Variants in ALK observed in about 807,000 individuals in gnomAD.
ALK encodes ALK receptor tyrosine kinase, also known as ALK tyrosine kinase receptor.
In ALK, 74 loss-of-function variants were observed where a neutral mutation model predicts 163.1. That is an observed-to-expected ratio of 0.45 (90% CI 0.38 to 0.55). ALK has a LOEUF of 0.55. ALK is among the 20% of genes least tolerant of loss of function. The pLI, the probability that ALK is intolerant of heterozygous loss-of-function variation, is 0.00. For missense variants in ALK, 2,063 were observed against 2,105.3 expected (o/e 0.98, Z 0.39); for synonymous variants, 960 against 843.2 (o/e 1.14, Z -2.40).
chr2:29,918,479 G>C (rs763819780), intron 1 of ALK, among the ~76,000 whole-genome samples: 1 of 152,194 alleles, frequency 6.6e-6, no homozygotes, highest in Non-Finnish European at 1.5e-5. Flanking sequence ...TTCCATCTCA[G>C]TTCACTGAAG....
intron 3 of ALK, among the ~76,000 whole-genome samples, chr2:29,620,485 CT>C (rs10707440): frequency 0.85 from 117,131 of 137,556 alleles, 49,584 homozygotes; most frequent in African/African-American, 0.94. Flanking sequence ...ATACTTTTCT[CT>C]TTTTTTTTGC....
chr2:29,920,196 A>T lies in ALK; in HGVS notation c.464T>A (p.Val155Asp), dbSNP rs1206463887. Residue 155 changes from valine to aspartate, a missense_variant, in exon 1 of 29, where the codon GTC becomes GAC. By Grantham distance (152) the Val-to-Asp change is radical. Around this residue, in one of 5 missense-constraint regions of ALK, gnomAD observed 987 missense variants for 939.5 expected, o/e 1.05. Coordinates refer to ENST00000389048, the MANE Select transcript of ALK (RefSeq NM_004304.5). ...LGEEAILEGC[V>D]GPPGEAAVGL... ...CACAGCCGCCTCCCCGGGGGGCCCG[A>T]CGCAACCCTCCAAGATCGCCTCCTC... 6.8e-6 allele frequency: 11 copies of T among 1,613,290 alleles called. No homozygotes were observed. Among genetic ancestry groups the T allele is most frequent in the Non-Finnish European group, 9.3e-6 (11 of 1,179,990 alleles).
At chr2:29,876,023 A>T (rs1666696051) in intron 1 of ALK, among the ~76,000 whole-genome samples, 1 of 152,070 alleles carries the variant, frequency 6.6e-6, no homozygotes, top group Non-Finnish European at 1.5e-5. Flanking sequence ...TCTCTGCTTC[A>T]TCCTCACTCT....
chr2:29,888,265 A>ATTTTTTTT (rs1343022563), intron 1 of ALK, among the ~76,000 whole-genome samples: 7 of 49,878 alleles, frequency 1.4e-4, no homozygotes, highest in African/African-American at 5.3e-4. Context: ...TTTTTTTAAA[A>ATTTTTTTT]AAAGGGAAAC....
intron 4 of ALK, among the ~76,000 whole-genome samples, chr2:29,468,962 C>A (rs1671281668): frequency 6.7e-6 from 1 of 149,964 alleles, no homozygotes; most frequent in Non-Finnish European, 1.5e-5. Flanking sequence ...TGAACTTTTG[C>A]AATCAGACTT....
intron 14 of ALK, among the ~76,000 whole-genome samples, 173 bp from the exon 15 acceptor site, chr2:29,232,621 C>T (rs552810614): frequency 3.7e-4 from 56 of 152,316 alleles, no homozygotes; most frequent in African/African-American, 8.2e-4. Flanking sequence ...AATAGCCCAT[C>T]GGCTCCGCCA....
At chr2:29,222,699 G>T in intron 20 of ALK, 92 bp from the exon 21 acceptor site, 1 of 1,080,758 alleles carries the variant, frequency 9.3e-7, no homozygotes, top group Non-Finnish European at 1.4e-6. Flanking sequence ...CACATTTAGT[G>T]GACAAACACG....
intron 5 of ALK, among the ~76,000 whole-genome samples, chr2:29,369,578 C>G (rs1668593410): frequency 6.6e-6 from 1 of 152,190 alleles, no homozygotes. Flanking sequence ...GCAGGCTTCA[C>G]TGATGACGGA....
intron 13 of ALK, among the ~76,000 whole-genome samples, chr2:29,234,264 G>C (rs1664310256): frequency 6.6e-6 from 1 of 152,172 alleles, no homozygotes; most frequent in South Asian, 2.1e-4. Context: ...GGTGGGTAGA[G>C]AGAATTAAAC....
At chr2:29,418,432 A>G (rs924589242) in intron 4 of ALK, among the ~76,000 whole-genome samples, 1 of 152,134 alleles carries the variant, frequency 6.6e-6, no homozygotes, top group Admixed American at 6.5e-5. Flanking sequence ...TTTCTCCTAT[A>G]TATTTATTTT....
intron 9 of ALK, among the ~76,000 whole-genome samples, chr2:29,277,660 C>A (rs138976279): frequency 6.6e-6 from 1 of 152,320 alleles, no homozygotes; most frequent in East Asian, 1.9e-4. Flanking sequence ...TCCATGCTAC[C>A]CTCAGTCAGG....
intron 1 of ALK, among the ~76,000 whole-genome samples, chr2:29,811,695 G>A (rs1367658159): frequency 6.6e-6 from 1 of 152,200 alleles, no homozygotes; most frequent in African/African-American, 2.4e-5. Flanking sequence ...GAGGATGGCA[G>A]ATTGCACTGT....
chr2:29,678,060 T>C (rs1677938022), intron 3 of ALK, among the ~76,000 whole-genome samples: 1 of 152,046 alleles, frequency 6.6e-6, no homozygotes, highest in Non-Finnish European at 1.5e-5. Context: ...AGTTGTCATA[T>C]ATTGTCATAT....
At chr2:29,333,476 A>G (rs979366895) in intron 5 of ALK, among the ~76,000 whole-genome samples, 1 of 152,184 alleles carries the variant, frequency 6.6e-6, no homozygotes. Flanking sequence ...GGAATTGCCA[A>G]CGTATCGATT....
intron 1 of ALK, among the ~76,000 whole-genome samples, chr2:29,822,455 T>A (rs1665074308): frequency 6.6e-6 from 1 of 152,216 alleles, no homozygotes; most frequent in Non-Finnish European, 1.5e-5. Context: ...TCAGGGAGCA[T>A]CACTGTAGCT....
intron 9 of ALK, 72 bp from the exon 10 acceptor site, chr2:29,275,568 G>T: frequency 2.0e-6 from 3 of 1,491,860 alleles, no homozygotes; most frequent in Non-Finnish European, 2.8e-6. Context: ...GCATCCAGCA[G>T]GTGTGTGCTG....
At chr2:29,223,805 A>G (rs1475393376) in intron 19 of ALK, 3 of 511,836 alleles carry the variant, frequency 5.9e-6, no homozygotes. Flanking sequence ...TCCTCCAAGA[A>G]GCAGACTGGA....
At chr2:29,337,896 C>A (rs1667670947) in intron 5 of ALK, among the ~76,000 whole-genome samples, 1 of 152,192 alleles carries the variant, frequency 6.6e-6, no homozygotes, top group African/African-American at 2.4e-5. Flanking sequence ...GGCTCCAGCC[C>A]CCATCTTCTA....
rs1355709394 is a variant in ALK at position 29,920,576 on chromosome 2, G to C, written c.84C>G (p.Arg28=). 1 of 1,583,866 alleles carries C rather than the reference G, an allele frequency of 6.3e-7. No individual in the cohort carries two copies. Among genetic ancestry groups the C allele is most frequent in the Non-Finnish European group, 8.5e-7 (1 of 1,169,618 alleles). ...GCGGCCCCGCAGCTGGGGAGCCCGC[G>C]CGCTGGCCGGTCCCCATCCCGGAGC... The part of the protein sequence containing the change: ...AVGSGMGTGQ[R]AGSPAAGPPL... Residue 28 remains arginine (R), a synonymous_variant, in exon 1 of 29, where the codon CGC becomes CGG. Coordinates refer to ENST00000389048, the MANE Select transcript of ALK (RefSeq NM_004304.5).
Sources: gnomAD v4.1 joint callset for allele counts (sites outside exome capture counted in the v4.1 genomes callset) on GRCh38, gnomAD v4.1.1 for gene constraint, gnomAD v4.1.1 regional missense constraint, MANE v1.5 for transcripts, NCBI Gene and HGNC (gene_info 2026-07-23, HGNC 2026-07-21) for gene names.